REEP5: variants seen among roughly 807,000 people sequenced by gnomAD.
REEP5 encodes the protein receptor accessory protein 5, also known as receptor expression-enhancing protein 5.
In REEP5, 24 loss-of-function variants were observed where a neutral mutation model predicts 22.4. The ratio of observed to expected loss-of-function variants is 1.07; its 90% CI spans 0.78 to 1.51. The LOEUF is 1.51. Ranked by LOEUF, REEP5 falls within the 40% of genes most tolerant of loss-of-function variation. The probability of loss-of-function intolerance (pLI) is 0.00; values close to 1 mark genes in which losing one functional copy is unlikely to be tolerated. For missense variants in REEP5, 252 were observed against 233.0 expected, an observed-to-expected ratio of 1.08 and a Z score of -0.53; for synonymous variants, 103 against 88.6, an observed-to-expected ratio of 1.16 and a Z score of -0.92.
At chr5:112,907,084 T>C (rs113474268) in intron 2 of REEP5, among the ~76,000 whole-genome samples, 2,085 of 152,270 alleles carry the variant, frequency 0.014, 15 homozygotes, top group Middle Eastern at 0.037. Context: ...AATAAAACTG[T>C]TCACTAAGAT....
At chr5:112,902,622 G>T in intron 2 of REEP5, 104 bp from the exon 3 acceptor site, 1 of 949,914 alleles carries the variant, frequency 1.1e-6, no homozygotes, top group South Asian at 1.9e-5. Context: ...GAGAAACTTA[G>T]GCACATGTAG....
chr5:112,917,702 G>A (rs1286725944), intron 2 of REEP5, among the ~76,000 whole-genome samples: 1 of 152,182 alleles, frequency 6.6e-6, no homozygotes, highest in Non-Finnish European at 1.5e-5. Flanking sequence ...ACACCCTCCA[G>A]AGGACTCTTA....
intron 2 of REEP5, among the ~76,000 whole-genome samples, chr5:112,906,675 T>C (rs1768961993): frequency 6.6e-6 from 1 of 152,320 alleles, no homozygotes; most frequent in East Asian, 1.9e-4. Context: ...CAAACTTAGA[T>C]GATCATCCAC....
intron 3 of REEP5, chr5:112,896,405 C>G (rs1455765481): frequency 1.3e-5 from 2 of 152,126 alleles, no homozygotes; most frequent in African/African-American, 2.4e-5. Flanking sequence ...CACCTGTAAT[C>G]CCAGCTACTT....
At chr5:112,894,202 C>T (rs1258368283) in intron 3 of REEP5, 1 of 151,204 alleles carries the variant, frequency 6.6e-6, no homozygotes, top group East Asian at 2.0e-4. Flanking sequence ...TCACTGCAAC[C>T]TCCGCCTCCC....
At chr5:112,915,954 A>G (rs561837818) in intron 2 of REEP5, among the ~76,000 whole-genome samples, 2 of 151,964 alleles carry the variant, frequency 1.3e-5, no homozygotes, top group African/African-American at 2.4e-5. Context: ...AACTACAAAT[A>G]CACATCCTCC....
At chr5:112,889,934 C>T (rs552182404) in intron 3 of REEP5, among the ~76,000 whole-genome samples, 4 of 149,744 alleles carry the variant, frequency 2.7e-5, no homozygotes, top group Admixed American at 1.3e-4. Flanking sequence ...TCAAGCGATT[C>T]TCCTGTCTCA....
chr5:112,879,615 A>G (rs1264321611), intron 4 of REEP5, among the ~76,000 whole-genome samples: 1 of 151,938 alleles, frequency 6.6e-6, no homozygotes, highest in African/African-American at 2.4e-5. Context: ...CTGGGACTAC[A>G]TGCACTCACC....
chr5:112,911,493 G>A (rs1012179709), intron 2 of REEP5, among the ~76,000 whole-genome samples: 4 of 152,194 alleles, frequency 2.6e-5, no homozygotes, highest in Non-Finnish European at 5.9e-5. Context: ...AGACAGGAAA[G>A]GGACAACCTT....
At chr5:112,898,190 T>G (rs1258524144) in intron 3 of REEP5, 2 of 152,270 alleles carry the variant, frequency 1.3e-5, no homozygotes, top group Non-Finnish European at 2.9e-5. Flanking sequence ...CTCCTGAACC[T>G]TCTCCTACAG....
chr5:112,918,010 A>G (rs186642566), intron 2 of REEP5, among the ~76,000 whole-genome samples: 2 of 152,330 alleles, frequency 1.3e-5, no homozygotes, highest in East Asian at 3.9e-4. Context: ...TATCTTAGCA[A>G]TGGGGGGAGG....
At chr5:112,910,573 G>A (rs1394101649) in intron 2 of REEP5, among the ~76,000 whole-genome samples, 1 of 152,126 alleles carries the variant, frequency 6.6e-6, no homozygotes, top group Non-Finnish European at 1.5e-5. Context: ...GATCTGGAGA[G>A]AGTATCTGTC....
intron 3 of REEP5, among the ~76,000 whole-genome samples, chr5:112,899,155 T>G (rs1768783163): frequency 6.6e-6 from 1 of 152,126 alleles, no homozygotes; most frequent in African/African-American, 2.4e-5. Flanking sequence ...CATTGCTTAT[T>G]GTAGCCTTGA....
intron 2 of REEP5, among the ~76,000 whole-genome samples, chr5:112,904,910 T>C (rs1010898845): frequency 1.3e-5 from 2 of 152,060 alleles, no homozygotes; most frequent in African/African-American, 2.4e-5. Context: ...TATAGTAACA[T>C]TGAAAAGTAG....
intron 2 of REEP5, among the ~76,000 whole-genome samples, chr5:112,914,243 C>T (rs1018877291): frequency 6.6e-6 from 1 of 151,014 alleles, no homozygotes. Context: ...CTTCCTCAGC[C>T]TCCCAAGTGT....
chr5:112,877,796 G>A lies in REEP5; in HGVS notation c.*990C>T, dbSNP rs185492139. 1 of 152,280 alleles carries A rather than the reference G, an allele frequency of 6.6e-6. No individual in the cohort carries two copies. The highest frequency in any genetic ancestry group is 1.9e-4 in the East Asian group (1 of 5,182). The allele number at this position is 152,280 out of a possible 1,614,324, so 9.4% of individuals were successfully genotyped here. On this transcript the variant is annotated 3_prime_UTR_variant, in exon 5 of 5. Coordinates refer to ENST00000379638, the MANE Select transcript of REEP5 (RefSeq NM_005669.5). Reference sequence around the variant, plus strand: ...ATCAGAGGTGGACAAATCTTCAGAAGTTCCTTAAACTGGTTTAAAAAAGAA... The same window carrying A: ...ATCAGAGGTGGACAAATCTTCAGAAATTCCTTAAACTGGTTTAAAAAAGAA...
At chr5:112,907,439 C>T (rs1200837962) in intron 2 of REEP5, among the ~76,000 whole-genome samples, 3 of 152,222 alleles carry the variant, frequency 2.0e-5, no homozygotes, top group African/African-American at 7.2e-5. Context: ...TATTCTCTCT[C>T]CTGAGCCACC....
At chr5:112,907,118 C>T (rs1230063717) in intron 2 of REEP5, among the ~76,000 whole-genome samples, 1 of 152,204 alleles carries the variant, frequency 6.6e-6, no homozygotes, top group Non-Finnish European at 1.5e-5. Context: ...TCTAAAAGCC[C>T]TGTATCTGTC....
At chr5:112,880,927 G>A (rs1381026803) in intron 4 of REEP5, among the ~76,000 whole-genome samples, 1 of 152,120 alleles carries the variant, frequency 6.6e-6, no homozygotes, top group Non-Finnish European at 1.5e-5. Flanking sequence ...CCAGGAGTTT[G>A]AAACCAGCCT....
Sources: allele counts gnomAD v4.1 joint callset (sites outside exome capture counted in the v4.1 genomes callset), GRCh38; gene constraint gnomAD v4.1.1; transcripts MANE v1.5; gene names NCBI Gene and HGNC (gene_info 2026-07-23, HGNC 2026-07-21).